Variants in ITPR3 observed in about 807,000 individuals in gnomAD.
ITPR3 encodes the protein inositol 1,4,5-trisphosphate receptor type 3, also known as inositol 1,4,5-trisphosphate-gated calcium channel ITPR3.
ITPR3 carries 173 observed loss-of-function variants against 293.2 expected under a neutral mutation model. That is an observed-to-expected ratio of 0.59 (90% confidence interval 0.52 to 0.67). The LOEUF is 0.67. Ranked by LOEUF, ITPR3 falls within the 30% of genes least tolerant of loss-of-function variation. The pLI, the probability that ITPR3 is intolerant of heterozygous loss-of-function variation, is 0.00. For synonymous variants in ITPR3, 1,295 were observed against 1,444.4 expected, an observed-to-expected ratio of 0.90 and a Z score of 2.35; for missense variants, 2,796 against 3,592.1, an observed-to-expected ratio of 0.78 and a Z score of 5.66.
At position 33,683,886 on chromosome 6, in the gene ITPR3, G is replaced by A; in HGVS notation, c.4789-134G>A. On this transcript the variant is annotated intron_variant, in intron 35 of 57. Transcript: ENST00000605930. This position sits in a 1 kb window ranked among gnomAD's most constrained non-coding sequence, Gnocchi z 4.5. ...ACAGACATCACGCTGTGTTCAGGGTGTCTCTGTGGGTGTGGGCCCCTCAGA... is the reference window on the plus strand; with the variant it reads ...ACAGACATCACGCTGTGTTCAGGGTATCTCTGTGGGTGTGGGCCCCTCAGA... The A allele has an allele frequency of 2.1e-6, 2 of 940,698 alleles. No individual in the cohort carries two copies. Among genetic ancestry groups the A allele is most frequent in the Non-Finnish European group, 3.1e-6 (2 of 637,730 alleles). The allele number at this position is 940,698 out of a possible 1,614,324, so 58.3% of individuals were successfully genotyped here.
At chr6:33,647,529 C>A (rs1353315074) in intron 2 of ITPR3, among the ~76,000 whole-genome samples, 4 of 152,144 alleles carry the variant, frequency 2.6e-5, no homozygotes, top group Non-Finnish European at 5.9e-5. Flanking sequence ...TCCTCCTCCC[C>A]CCAGCCCTTG....
intron 6 of ITPR3, 30 bp downstream of exon 6, chr6:33,659,149 G>A: frequency 6.3e-7 from 1 of 1,594,108 alleles, no homozygotes; most frequent in Non-Finnish European, 8.6e-7. Context: ...GCCATGCAGT[G>A]CAGGGACGTC....
rs773592291 is a variant in ITPR3, at chr6:33,683,343, C to T, written c.4734C>T (p.Arg1578=). 2.0e-5 allele frequency: 32 copies of T among 1,596,046 alleles called. No individual in the cohort carries two copies. In the Middle Eastern group the frequency reaches 1.2e-3, roughly 58 times the overall value. Reference sequence around the variant, plus strand: ...AGGCAACCACGCGGGCCTTCCCCCGCGTCACCCCCACCGCCAACCAGTGGG... The same window carrying T: ...AGGCAACCACGCGGGCCTTCCCCCGTGTCACCCCCACCGCCAACCAGTGGG... ...SYKATTRAFP[R]VTPTANQWDY... Residue 1578 remains arginine (R), a synonymous_variant, in exon 35 of 58, where the codon CGC becomes CGT. Transcript: ENST00000605930. This position sits in a 1 kb window ranked among gnomAD's most constrained non-coding sequence, Gnocchi z 4.5.
Position 33,692,643 on chromosome 6 carries a change from C to G in ITPR3, c.7459-85C>G. The G allele has an allele frequency of 1.4e-6, 2 of 1,383,192 alleles. No homozygotes were observed. The highest frequency in any genetic ancestry group is 1.0e-6 in the Non-Finnish European group (1 of 1,001,546). 85.7% of individuals were successfully genotyped at this position (1,383,192 alleles called of 1,614,324 possible). A position where few individuals can be genotyped will look rare whatever the true frequency, so the allele number is the denominator to read the frequency against. The stretch of plus-strand genomic sequence containing the variant: ...GCTAGGGGCTGGGTCCTCAATATCA[C>G]AGCCCTGGCCCCAACCTGAGTCCTA... On this transcript the variant is annotated intron_variant, in intron 54 of 57. Transcript: ENST00000605930. This position sits in a 1 kb window ranked among gnomAD's most constrained non-coding sequence, Gnocchi z 4.2.
At chr6:33,637,401 A>C (rs1425116851) in intron 1 of ITPR3, among the ~76,000 whole-genome samples, 1 of 152,226 alleles carries the variant, frequency 6.6e-6, no homozygotes, top group Admixed American at 6.5e-5. Flanking sequence ...GGCCCTCTCC[A>C]GGGGTGACCC....
chr6:33,678,544 G>T lies in ITPR3; in HGVS notation c.3771+1G>T, dbSNP rs754601703. On this transcript the variant is annotated splice_donor_variant, in intron 29 of 57. Coordinates refer to ENST00000605930, the MANE Select transcript of ITPR3 (RefSeq NM_002224.4). LOFTEE classifies it high-confidence loss of function. ...CCTGCACCTCTTCCTCACGCCAGGG[G>T]TGAGGGTGCAGGGCTGGGAGCACCT... 2 of 1,608,932 alleles carry T rather than the reference G, an allele frequency of 1.2e-6. No individual in the cohort carries two copies. The highest frequency in any genetic ancestry group is 8.5e-7 in the Non-Finnish European group (1 of 1,177,832).
intron 1 of ITPR3, among the ~76,000 whole-genome samples, chr6:33,639,019 A>G (rs1763886795): frequency 6.6e-6 from 1 of 151,934 alleles, no homozygotes; most frequent in South Asian, 2.1e-4. Context: ...GATCAACTGG[A>G]GGTTTAGTAG....
In ITPR3 at chr6:33,667,151, C is replaced by T. The variant is rs1329622428; in HGVS notation, c.1574C>T (p.Pro525Leu). ...LKQVFGILKA[P>L]FREKGGEGPL... ...CAGGTCTTTGGCATTCTGAAGGCCCCGTTCCGTGAGAAGGGGGGTGAAGGT... is the reference window on the plus strand; with the variant it reads ...CAGGTCTTTGGCATTCTGAAGGCCCTGTTCCGTGAGAAGGGGGGTGAAGGT... The change falls in exon 15 of 58, where the codon CCG becomes CTG. Residue 525 changes from proline to leucine, a missense_variant. Coordinates refer to ENST00000605930, the MANE Select transcript of ITPR3 (RefSeq NM_002224.4). The surrounding 1 kb of genome is among the most constrained non-coding windows in gnomAD (Gnocchi z 4.4). The T allele has an allele frequency of 1.9e-6, 3 of 1,614,096 alleles. No homozygotes were observed. Among genetic ancestry groups the T allele is most frequent in the Non-Finnish European group, 1.7e-6 (2 of 1,179,968 alleles).
chr6:33,680,803 A>G (rs949042303), intron 33 of ITPR3, 123 bp downstream of exon 33: 17 of 1,192,454 alleles, frequency 1.4e-5, no homozygotes, highest in Non-Finnish European at 2.0e-5. Flanking sequence ...AAAAGGATAC[A>G]TAAGTGTATT....
At chr6:33,659,322 T>A in intron 6 of ITPR3, 144 bp from the exon 7 acceptor site, 1 of 879,310 alleles carries the variant, frequency 1.1e-6, no homozygotes. Flanking sequence ...GTAGCCGGGC[T>A]GGGGTCTGGG....
At chr6:33,657,683 G>T (rs1225715813) in intron 3 of ITPR3, among the ~76,000 whole-genome samples, 2 of 151,948 alleles carry the variant, frequency 1.3e-5, no homozygotes, top group Non-Finnish European at 2.9e-5. Context: ...GCTGGGGAGG[G>T]TTAGGGATTT....
At chr6:33,695,285 A>T (rs941715442) in intron 57 of ITPR3, 200 bp downstream of exon 57, 3 of 619,686 alleles carry the variant, frequency 4.8e-6, no homozygotes, top group African/African-American at 3.7e-5. Context: ...GCCGCTAAAG[A>T]CAAGGCCAAG....
At position 33,680,472 on chromosome 6, in the gene ITPR3, G is replaced by T. The variant is rs201367274; in HGVS notation, c.4350+18G>T. The T allele has an allele frequency of 3.6e-4, 576 of 1,612,248 alleles. No individual in the cohort carries two copies. The highest frequency in any genetic ancestry group is 4.5e-4 in the Non-Finnish European group (536 of 1,179,530). On this transcript the variant is annotated intron_variant, in intron 32 of 57. Coordinates refer to ENST00000605930, the MANE Select transcript of ITPR3 (RefSeq NM_002224.4). ...TGGCCCGGGTCTGTCCCTGTGAGGG[G>T]TGTGGGTGAAGCCCCCCAGGAGGTG...
Position 33,688,040 on chromosome 6 carries a change from G to A in ITPR3, c.6265-17G>A, listed in dbSNP as rs112402155. ...GTGGAGGCTGGGGCCTGACCTCCGC[G>A]CCCTCCCCACCTCCAGCTCAGCCTC... On this transcript the variant is annotated splice_polypyrimidine_tract_variant and intron_variant, in intron 46 of 57. Coordinates refer to ENST00000605930, the MANE Select transcript of ITPR3 (RefSeq NM_002224.4). The A allele has an allele frequency of 3.8e-3, 6,117 of 1,603,982 alleles. 118 individuals are homozygous for A. The highest frequency in any genetic ancestry group is 0.035 in the South Asian group (3,114 of 90,002).
Position 33,670,649 on chromosome 6 carries a change from G to A in ITPR3, c.2442-22G>A, listed in dbSNP as rs567743031. On this transcript the variant is annotated intron_variant, in intron 19 of 57. Transcript: ENST00000605930. This position sits in a 1 kb window ranked among gnomAD's most constrained non-coding sequence, Gnocchi z 6.7. ...GTGGGTGTATCTCGGGGACCTTCAT[G>A]CCTCATGGCCTCCACCCTCAGCTAT... 36 of 1,613,828 alleles carry A rather than the reference G, an allele frequency of 2.2e-5. No homozygotes were observed. In the East Asian group the frequency reaches 4.5e-4, roughly 20 times the overall value.
chr6:33,664,966 CATG>C lies in ITPR3; in HGVS notation c.1246_1248del (p.Met416del). The C allele has an allele frequency of 6.3e-7, 1 of 1,583,072 alleles. No homozygotes were observed. Among genetic ancestry groups the C allele is most frequent in the Non-Finnish European group, 8.7e-7 (1 of 1,152,834 alleles). The stretch of plus-strand genomic sequence containing the variant: ...TCGAGGAGGAGCGGCCCATCCGGCT[CATG>C]GTGCGTGTCCCTGGGGTGGGGGTGG... On this transcript the variant is annotated inframe_deletion and splice_region_variant, in exon 12 of 58. Transcript: ENST00000605930. The surrounding 1 kb of genome is among the most constrained non-coding windows in gnomAD (Gnocchi z 4.4).
intron 1 of ITPR3, among the ~76,000 whole-genome samples, chr6:33,628,693 T>C (rs537428280): frequency 1.1e-3 from 166 of 152,282 alleles, no homozygotes; most frequent in African/African-American, 3.9e-3. Flanking sequence ...TTGCAGAGGC[T>C]TCAGTGAGGG....
chr6:33,678,005 C>T (rs1764956490), intron 28 of ITPR3, among the ~76,000 whole-genome samples: 1 of 152,146 alleles, frequency 6.6e-6, no homozygotes, highest in African/African-American at 2.4e-5. Context: ...CTCTCCTTGA[C>T]CCATGACATC....
At chr6:33,665,024 A>G in intron 12 of ITPR3, 29 bp from the exon 13 acceptor site, 6 of 1,613,572 alleles carry the variant, frequency 3.7e-6, no homozygotes, top group Non-Finnish European at 5.1e-6. Flanking sequence ...GCTTGTTCCC[A>G]GGTGCCCTGC....
Sources: gnomAD v4.1 joint callset for allele counts (sites outside exome capture counted in the v4.1 genomes callset) on GRCh38, gnomAD v4.1.1 for gene constraint, Gnocchi (gnomAD v3.1) non-coding constraint, MANE v1.5 for transcripts, NCBI Gene and HGNC (gene_info 2026-07-23, HGNC 2026-07-21) for gene names.